Variants in CNTNAP5 observed in about 807,000 individuals in gnomAD.
The protein encoded by CNTNAP5 is contactin associated protein family member 5.
A neutral mutation model predicts 150.2 loss-of-function variants in CNTNAP5; 72 were observed. The ratio of observed to expected loss-of-function variants is 0.48; its 90% CI spans 0.40 to 0.58. The LOEUF (loss-of-function observed/expected upper bound fraction) is 0.58, where lower values mean the gene tolerates loss of function less well. Ranked by LOEUF, CNTNAP5 falls within the 20% of genes least tolerant of loss-of-function variation. CNTNAP5 has a pLI of 0.00. For missense variants in CNTNAP5, 1,636 were observed against 1,626.2 expected, an observed-to-expected ratio of 1.01 and a Z score of -0.10; for synonymous variants, 672 against 619.8, an observed-to-expected ratio of 1.08 and a Z score of -1.25.
At chr2:124,166,022 G>A (rs941492509) in intron 1 of CNTNAP5, among the ~76,000 whole-genome samples, 18 of 152,068 alleles carry the variant, frequency 1.2e-4, no homozygotes, top group Admixed American at 3.9e-4. Context: ...GTGTGAAATC[G>A]TGGCTGACTC....
chr2:124,255,641 T>C (rs568633108), intron 3 of CNTNAP5, among the ~76,000 whole-genome samples: 55 of 151,520 alleles, frequency 3.6e-4, no homozygotes, highest in African/African-American at 1.3e-3. Flanking sequence ...TCAAGAAAAA[T>C]GTAGGAGTCT....
chr2:124,336,376 CT>C (rs976207373), intron 3 of CNTNAP5, among the ~76,000 whole-genome samples: 4 of 151,012 alleles, frequency 2.6e-5, no homozygotes, highest in Non-Finnish European at 3.0e-5. Flanking sequence ...CAGAGGTTTT[CT>C]TTTTTTTTCA....
rs138807797 is a variant in CNTNAP5 at position 124,730,320 on chromosome 2, C to A, written c.2078-16909C>A. Among the ~76,000 whole-genome samples the A allele has an allele frequency of 6.6e-3, 995 of 150,988 alleles. 16 individuals are homozygous for A. Among genetic ancestry groups the A allele is most frequent in the Non-Finnish European group, 4.1e-3 (275 of 67,670 alleles). On this transcript the variant is annotated intron_variant, in intron 13 of 23. Transcript: ENST00000682447. ...GTGTTTCGTGTAGTATACAGGTGTG[C>A]GCGTGTGTGTGTGGACATGTGTACA... is the stretch of plus-strand genomic sequence containing the variant.
chr2:124,053,678 A>G (rs185125681), intron 1 of CNTNAP5, among the ~76,000 whole-genome samples: 26 of 152,344 alleles, frequency 1.7e-4, no homozygotes, highest in African/African-American at 6.3e-4. Context: ...AGTGTCAGGT[A>G]CAATACATGG....
At chr2:124,205,672 G>A (rs934569017) in intron 1 of CNTNAP5, among the ~76,000 whole-genome samples, 2 of 152,154 alleles carry the variant, frequency 1.3e-5, no homozygotes, top group African/African-American at 4.8e-5. Context: ...AAAATGCTGG[G>A]ATTATAGGCG....
chr2:124,073,957 A>G (rs1188763591), intron 1 of CNTNAP5, among the ~76,000 whole-genome samples: 1 of 152,144 alleles, frequency 6.6e-6, no homozygotes, highest in Non-Finnish European at 1.5e-5. Flanking sequence ...CAACAGATGA[A>G]TAGATGAAGA....
chr2:124,518,466 C>A (rs1187716828), intron 8 of CNTNAP5, among the ~76,000 whole-genome samples: 1 of 152,100 alleles, frequency 6.6e-6, no homozygotes, highest in Admixed American at 6.5e-5. Flanking sequence ...AAAGCGAAGT[C>A]ATTTGGTGGG....
intron 13 of CNTNAP5, among the ~76,000 whole-genome samples, chr2:124,705,677 CA>C (rs1679622018): frequency 6.7e-6 from 1 of 148,978 alleles, no homozygotes; most frequent in Admixed American, 6.7e-5. Context: ...TTCCATAAAA[CA>C]AATGATTTTT....
At chr2:124,296,367 T>A (rs944224477) in intron 3 of CNTNAP5, among the ~76,000 whole-genome samples, 1 of 152,212 alleles carries the variant, frequency 6.6e-6, no homozygotes, top group Non-Finnish European at 1.5e-5. Flanking sequence ...GAGCGGCTCT[T>A]AACTGCCCGC....
chr2:124,355,131 G>T (rs1200395485), intron 3 of CNTNAP5, among the ~76,000 whole-genome samples: 1 of 151,384 alleles, frequency 6.6e-6, no homozygotes, highest in Non-Finnish European at 1.5e-5. Flanking sequence ...TATAAGAAAT[G>T]AATGATACTT....
chr2:124,401,402 G>A (rs371982883), intron 3 of CNTNAP5, among the ~76,000 whole-genome samples: 1 of 152,162 alleles, frequency 6.6e-6, no homozygotes, highest in East Asian at 1.9e-4. Flanking sequence ...AATATCAGTT[G>A]TCATATTTTA....
At chr2:124,653,863 C>T (rs1198311268) in intron 13 of CNTNAP5, among the ~76,000 whole-genome samples, 6 of 151,466 alleles carry the variant, frequency 4.0e-5, no homozygotes, top group Non-Finnish European at 8.8e-5. Context: ...GAGTTCTTGC[C>T]TGCATACTTG....
intron 3 of CNTNAP5, among the ~76,000 whole-genome samples, chr2:124,312,134 G>T (rs898445538): frequency 6.6e-6 from 1 of 152,210 alleles, no homozygotes; most frequent in Non-Finnish European, 1.5e-5. Context: ...CATAAAACCA[G>T]CATTTCATAT....
At position 124,902,747 on chromosome 2, in the gene CNTNAP5, T is replaced by C. The variant is rs1678438795; in HGVS notation, c.3437-135T>C. On this transcript the variant is annotated intron_variant, in intron 21 of 23. Transcript: ENST00000682447. ...GGGAAAGGAGATAAAGAGAGATAGA[T>C]AGGGGAGGGTTTTCTTTACTCAAAC... 7.3e-6 allele frequency: 4 copies of C among 549,962 alleles called. No homozygotes were observed. The East Asian group carries it at 1.1e-4, about 16-fold the overall frequency. The allele number at this position is 549,962 out of a possible 1,614,324, so 34.1% of individuals were successfully genotyped here.
intron 1 of CNTNAP5, among the ~76,000 whole-genome samples, chr2:124,185,633 G>C (rs1004391313): frequency 6.6e-6 from 1 of 152,140 alleles, no homozygotes; most frequent in African/African-American, 2.4e-5. Context: ...CAAACTCGGT[G>C]CAGGAATGAG....
chr2:124,383,930 C>T (rs1690866247), intron 3 of CNTNAP5, among the ~76,000 whole-genome samples: 1 of 152,156 alleles, frequency 6.6e-6, no homozygotes, highest in African/African-American at 2.4e-5. Context: ...CCAAGTTACA[C>T]ATTTTTCTCT....
rs148247765 is a variant in CNTNAP5 at position 124,353,142 on chromosome 2, A to G, written c.382-64301A>G. Among the ~76,000 whole-genome samples the G allele has an allele frequency of 9.6e-3, 1,469 of 152,250 alleles. 19 individuals carry two copies. The highest frequency in any genetic ancestry group is 0.033 in the African/African-American group (1,374 of 41,546). On this transcript the variant is annotated intron_variant, in intron 3 of 23. Coordinates refer to ENST00000682447, the MANE Select transcript of CNTNAP5 (RefSeq NM_001367498.1). ...AAAGATCACAGTAGACAAAGGAAGC[A>G]CATTTTCAATGTAAGCGAATTCTTC... is the stretch of plus-strand genomic sequence containing the variant.
chr2:124,401,923 A>C (rs1691435493), intron 3 of CNTNAP5, among the ~76,000 whole-genome samples: 1 of 152,114 alleles, frequency 6.6e-6, no homozygotes, highest in Admixed American at 6.5e-5. Flanking sequence ...AGAGTCACTT[A>C]ATGGAAGACA....
At chr2:124,428,040 T>G (rs1268118322) in intron 4 of CNTNAP5, among the ~76,000 whole-genome samples, 1 of 152,220 alleles carries the variant, frequency 6.6e-6, no homozygotes, top group Admixed American at 6.5e-5. Flanking sequence ...TATGGTTCCC[T>G]TCAGCAAGTT....
Sources: gnomAD v4.1 joint callset for allele counts (sites outside exome capture counted in the v4.1 genomes callset) on GRCh38, gnomAD v4.1.1 for gene constraint, MANE v1.5 for transcripts, NCBI Gene and HGNC (gene_info 2026-07-23, HGNC 2026-07-21) for gene names.